The following TMEM92 variants were observed in gnomAD, a reference collection of about 807,000 sequenced individuals.
TMEM92 encodes transmembrane protein 92.
Under a neutral mutation model 14.6 loss-of-function variants are expected in TMEM92, and 15 were observed. The ratio of observed to expected loss-of-function variants is 1.03; its 90% CI spans 0.69 to 1.58. TMEM92 has a LOEUF of 1.58. TMEM92 is among the 40% of genes most tolerant of loss of function. The probability of loss-of-function intolerance (pLI) is 0.00; values close to 1 mark genes in which losing one functional copy is unlikely to be tolerated. For missense variants in TMEM92, 174 were observed against 202.4 expected, an observed-to-expected ratio of 0.86 and a Z score of 0.85; for synonymous variants, 85 against 83.3, an observed-to-expected ratio of 1.02 and a Z score of -0.11.
At chr17:50,277,317 T>C (rs751699888) in intron 1 of TMEM92, among the ~76,000 whole-genome samples, 1 of 151,802 alleles carries the variant, frequency 6.6e-6, no homozygotes, top group Non-Finnish European at 1.5e-5. Flanking sequence ...CCAGCAAGAT[T>C]CTTTGGTGAT....
intron 1 of TMEM92, 120 bp from the exon 2 acceptor site, chr17:50,277,595 A>T (rs1326642471): frequency 1.7e-6 from 2 of 1,173,140 alleles, no homozygotes; most frequent in African/African-American, 1.5e-5. Context: ...TTGCAGGAAG[A>T]GGCTGAGTCT....
rs754218936 is a variant in TMEM92 at position 50,279,295 on chromosome 17, A to G, written c.467A>G (p.Asn156Ser). The G allele has an allele frequency of 1.9e-6, 3 of 1,613,662 alleles. No individual in the cohort carries two copies. In the Admixed American group the frequency reaches 5.0e-5, roughly 27 times the overall value. The part of the protein sequence containing the change: ...EYTGDQRGID[N>S]PAF ...ACCGGGGATCAGAGGGGCATTGACA[A>G]CCCGGCCTTCTGAGTCACCTCCTGC... The change falls in exon 5 of 5, where the codon AAC becomes AGC. Residue 156 changes from asparagine to serine, a missense_variant. Coordinates refer to ENST00000507382, the MANE Select transcript of TMEM92 (RefSeq NM_153229.3).
At chr17:50,272,359 G>C (rs1403596210), upstream of TMEM92, among the ~76,000 whole-genome samples, 3 of 152,056 alleles carry the variant, frequency 2.0e-5, no homozygotes, top group African/African-American at 2.4e-5. Context: ...TTCCTCTCCC[G>C]TAAGGGCCAC....
In TMEM92 at chr17:50,278,734, G is replaced by A. The variant is rs553194273; in HGVS notation, c.171-67G>A. On this transcript the variant is annotated intron_variant, in intron 3 of 4. Transcript: ENST00000507382. ...AGGGGGCAGTGTGGGCGGCGGGAGC[G>A]GGGAGATGTAGGGAGTCCCCAGGGT... 4.1e-5 allele frequency: 65 copies of A among 1,571,118 alleles called. 1 individual carries two copies. In the East Asian group the frequency reaches 1.1e-3, roughly 26 times the overall value.
intron 2 of TMEM92, 40 bp downstream of exon 2, chr17:50,277,780 G>A (rs765891112): frequency 6.8e-6 from 11 of 1,613,444 alleles, no homozygotes; most frequent in African/African-American, 4.0e-5. Context: ...GGGGAGCGGG[G>A]AGGAGCAACC....
chr17:50,273,341 C>T (rs1201704597), upstream of TMEM92, among the ~76,000 whole-genome samples: 4 of 152,172 alleles, frequency 2.6e-5, no homozygotes, highest in African/African-American at 4.8e-5. Flanking sequence ...CGGCCGCTCC[C>T]GGAAGCTCCG....
chr17:50,280,350 G>A lies in TMEM92; in HGVS notation c.*1042G>A, dbSNP rs1910578671. The A allele has an allele frequency of 6.6e-6, 1 of 152,204 alleles. No individual in the cohort carries two copies. Among genetic ancestry groups the A allele is most frequent in the East Asian group, 1.9e-4 (1 of 5,188 alleles). 9.4% of individuals were successfully genotyped at this position (152,204 alleles called of 1,614,324 possible). On this transcript the variant is annotated 3_prime_UTR_variant, in exon 5 of 5. Coordinates refer to ENST00000507382, the MANE Select transcript of TMEM92 (RefSeq NM_153229.3). The stretch of plus-strand genomic sequence containing the variant: ...CCTACAGGAAGGTGAGGAGGTGGCA[G>A]GTTCCACCCTTCTCTACCAGCCCCG...
upstream of TMEM92, among the ~76,000 whole-genome samples, chr17:50,273,306 C>T (rs1352981611): frequency 6.6e-6 from 1 of 152,146 alleles, no homozygotes; most frequent in South Asian, 2.1e-4. Context: ...CGGGGGCACC[C>T]GCGCTGGGCG....
intron 1 of TMEM92, 85 bp from the exon 2 acceptor site, chr17:50,277,630 T>C: frequency 1.3e-6 from 2 of 1,522,964 alleles, no homozygotes; most frequent in Non-Finnish European, 1.8e-6. Context: ...GCCTGTGAGG[T>C]ACCTGGGCAG....
intron 2 of TMEM92, 90 bp downstream of exon 2, chr17:50,277,830 A>C: frequency 6.5e-7 from 1 of 1,532,250 alleles, no homozygotes; most frequent in Non-Finnish European, 9.0e-7. Context: ...GTGGGAGGCC[A>C]GAAACTCCAT....
chr17:50,273,950 C>T (rs1489878491), upstream of TMEM92, among the ~76,000 whole-genome samples: 1 of 151,320 alleles, frequency 6.6e-6, no homozygotes, highest in African/African-American at 2.4e-5. Flanking sequence ...GAGTTGATCC[C>T]ACCTCTTTTT....
chr17:50,272,251 C>T (rs1020218474), upstream of TMEM92, among the ~76,000 whole-genome samples: 6 of 152,010 alleles, frequency 3.9e-5, no homozygotes, highest in Non-Finnish European at 8.8e-5. Flanking sequence ...CCTGCTGACC[C>T]CCCACATCTG....
In TMEM92 at chr17:50,277,818, G is replaced by A. The variant is rs928339569; in HGVS notation, c.95+78G>A. 19 of 1,578,098 alleles carry A rather than the reference G, an allele frequency of 1.2e-5. No homozygotes were observed. In the South Asian group the frequency reaches 1.2e-4, roughly 10 times the overall value. On this transcript the variant is annotated intron_variant, in intron 2 of 4. Transcript: ENST00000507382. ...AATCATGCCCTGCATGCCTTGGGGG[G>A]TGTGGGAGGCCAGAAACTCCATCCG...
chr17:50,279,517 GC>G lies in TMEM92; in HGVS notation c.*212del. The G allele has an allele frequency of 3.8e-6, 2 of 519,628 alleles. No individual in the cohort carries two copies. The highest frequency in any genetic ancestry group is 7.4e-5 in the East Asian group (2 of 27,184). The allele number at this position is 519,628 out of a possible 1,614,324, so 32.2% of individuals were successfully genotyped here. A position where few individuals can be genotyped will look rare whatever the true frequency, so the allele number is the denominator to read the frequency against. On this transcript the variant is annotated 3_prime_UTR_variant, in exon 5 of 5. Transcript: ENST00000507382. ...GGGTTAGGCTGGAGTGACAGTTTCCGCCCACCCCCCAGCCCAAGAAAGAGGC... is the reference window on the plus strand; with the variant it reads ...GGGTTAGGCTGGAGTGACAGTTTCCGCCACCCCCCAGCCCAAGAAAGAGGC...
chr17:50,275,226 T>C (rs1350336881), intron 1 of TMEM92, among the ~76,000 whole-genome samples: 1 of 151,918 alleles, frequency 6.6e-6, no homozygotes, highest in Non-Finnish European at 1.5e-5. Flanking sequence ...GATGGGTGTT[T>C]ATCCTGGGAA....
chr17:50,279,109 T>C lies in TMEM92; in HGVS notation c.367-86T>C. ...TGCACCCAGCATTGGGTCACCCCTC[T>C]CCCTGGTAACCATGCCTCAGCTGGG... On this transcript the variant is annotated intron_variant, in intron 4 of 4. Coordinates refer to ENST00000507382, the MANE Select transcript of TMEM92 (RefSeq NM_153229.3). The C allele has an allele frequency of 2.0e-6, 3 of 1,474,208 alleles. No individual in the cohort carries two copies. In the South Asian group the frequency reaches 3.4e-5, roughly 17 times the overall value. The allele number at this position is 1,474,208 out of a possible 1,614,324, so 91.3% of individuals were successfully genotyped here. A position where few individuals can be genotyped will look rare whatever the true frequency, so the allele number is the denominator to read the frequency against.
At position 50,280,310 on chromosome 17, in the gene TMEM92, C is replaced by T. The variant is rs1272560699; in HGVS notation, c.*1002C>T. The T allele has an allele frequency of 6.6e-6, 1 of 152,184 alleles. No individual in the cohort carries two copies. Among genetic ancestry groups the T allele is most frequent in the Non-Finnish European group, 1.5e-5 (1 of 68,060 alleles). 9.4% of individuals were successfully genotyped at this position (152,184 alleles called of 1,614,324 possible). ...GGGGCTTTAGGAGACCTTGAACGGC[C>T]CCACCCTGGAATCTCCTACAGGAAG... On this transcript the variant is annotated 3_prime_UTR_variant, in exon 5 of 5. Transcript: ENST00000507382.
intron 3 of TMEM92, 35 bp from the exon 4 acceptor site, chr17:50,278,766 G>C (rs373709856): frequency 1.3e-6 from 2 of 1,584,502 alleles, no homozygotes; most frequent in African/African-American, 2.7e-5. Flanking sequence ...GGGTGGCCTG[G>C]GGACTCAGGG....
rs540837994 is a variant in TMEM92, at chr17:50,276,890, A to T, written c.70-825A>T. ...AGAGGTGTGGAGAAAAGTTAAGCAC[A>T]CTAAGGGAAAAGGGTGGTTGTAATT... is the stretch of plus-strand genomic sequence containing the variant. On this transcript the variant is annotated intron_variant, in intron 1 of 4. Coordinates refer to ENST00000507382, the MANE Select transcript of TMEM92 (RefSeq NM_153229.3). Among the ~76,000 whole-genome samples the T allele has an allele frequency of 2.3e-4, 35 of 152,364 alleles. 2 individuals carry two copies. Among genetic ancestry groups the T allele is most frequent in the Middle Eastern group, 6.8e-3 (2 of 294 alleles).
Sources: gnomAD v4.1 joint callset for allele counts (sites outside exome capture counted in the v4.1 genomes callset) on GRCh38, gnomAD v4.1.1 for gene constraint, MANE v1.5 for transcripts, NCBI Gene and HGNC (gene_info 2026-07-23, HGNC 2026-07-21) for gene names.